HIPK2: variants seen among roughly 807,000 people sequenced by gnomAD.
The protein encoded by HIPK2 is homeodomain-interacting protein kinase 2.
In HIPK2, 27 loss-of-function variants were observed where a neutral mutation model predicts 113.7. The observed-to-expected ratio is 0.24, with a 90% CI of 0.17 to 0.33. HIPK2 has a LOEUF of 0.33. HIPK2 is among the 10% of genes least tolerant of loss of function. The pLI is 1.00. For missense variants in HIPK2, 1,257 were observed against 1,588.0 expected (o/e 0.79, Z 3.54); for synonymous variants, 631 against 642.2 (o/e 0.98, Z 0.26).
intron 1 of HIPK2, among the ~76,000 whole-genome samples, chr7:139,752,501 C>T (rs1796294465): frequency 6.6e-6 from 1 of 152,004 alleles, no homozygotes; most frequent in Non-Finnish European, 1.5e-5. Flanking sequence ...CAAATCATGC[C>T]CACCTCCCTT....
At chr7:139,755,174 C>T (rs1196309070) in intron 1 of HIPK2, among the ~76,000 whole-genome samples, 1 of 152,176 alleles carries the variant, frequency 6.6e-6, no homozygotes, top group African/African-American at 2.4e-5. Flanking sequence ...GGGAGGTCTG[C>T]AGGAAGCTTC....
At chr7:139,763,666 G>A (rs1278993263) in intron 1 of HIPK2, among the ~76,000 whole-genome samples, 4 of 152,192 alleles carry the variant, frequency 2.6e-5, no homozygotes, top group Admixed American at 2.0e-4. Context: ...GAAATGGATG[G>A]CTTCACGATA....
At chr7:139,578,545 C>A (rs971305077) in intron 13 of HIPK2, among the ~76,000 whole-genome samples, 2 of 152,234 alleles carry the variant, frequency 1.3e-5, no homozygotes, top group African/African-American at 4.8e-5. Flanking sequence ...AACCTCCTTT[C>A]CGCCATCCTT....
intron 2 of HIPK2, among the ~76,000 whole-genome samples, chr7:139,697,290 G>T (rs1208742706): frequency 2.6e-5 from 4 of 152,306 alleles, no homozygotes; most frequent in Middle Eastern, 6.8e-3. Context: ...CTCAGAGAGA[G>T]CTGCAGTAAA....
At chr7:139,628,033 G>A (rs1455115866) in intron 5 of HIPK2, among the ~76,000 whole-genome samples, 1 of 152,196 alleles carries the variant, frequency 6.6e-6, no homozygotes, top group Non-Finnish European at 1.5e-5. Context: ...ACAAGGCAAG[G>A]GAGATGTGGA....
intron 7 of HIPK2, among the ~76,000 whole-genome samples, chr7:139,619,623 G>C (rs1800168356): frequency 6.6e-6 from 1 of 152,148 alleles, no homozygotes; most frequent in South Asian, 2.1e-4. Flanking sequence ...GAAAGGACAG[G>C]GTTTATCTGT....
Position 139,766,114 on chromosome 7 carries a change from T to C in HIPK2, c.19+11491A>G, listed in dbSNP as rs564503484. ...GCAGCTGGTGGTCAGGAGTCAGCTC[T>C]GGACTCAGACTGCCTGGAGTCGATC... On this transcript the variant is annotated intron_variant, in intron 1 of 14. Transcript: ENST00000406875. 8.5e-5 allele frequency among the ~76,000 whole-genome samples: 13 copies of C among 152,374 alleles called. No individual in the cohort carries two copies. In the South Asian group the frequency reaches 2.7e-3, roughly 32 times the overall value.
chr7:139,622,541 C>A (rs2116847461), intron 6 of HIPK2, among the ~76,000 whole-genome samples: 1 of 152,270 alleles, frequency 6.6e-6, no homozygotes, highest in Non-Finnish European at 1.5e-5. Context: ...AGGGCAAGTC[C>A]TTTCACTTTA....
Position 139,583,835 on chromosome 7 carries a change from A to G in HIPK2, c.2947T>C (p.Cys983Arg), listed in dbSNP as rs1212019100. ...AAATTACCTGGCACCAGGCTATCAC[A>G]CTCCACCAATACTTCGCTGGCCTGG... ...KTQASEVLVE[C>R]DSLVPVNTSH... The change falls in exon 13 of 15, where the codon TGT (cysteine) becomes CGT (arginine). Residue 983 changes from cysteine to arginine, a missense_variant. Physicochemically the swap from Cys to Arg is radical, Grantham distance 180 (BLOSUM62 -3). This residue lies in a region of HIPK2 where 862 missense variants were observed against 1,004.3 expected (regional missense o/e 0.86). Transcript: ENST00000406875. 3.1e-6 allele frequency: 5 copies of G among 1,611,330 alleles called. No homozygotes were observed. Among genetic ancestry groups the G allele is most frequent in the Non-Finnish European group, 4.2e-6 (5 of 1,178,866 alleles).
chr7:139,672,983 T>C (rs1381776942), intron 2 of HIPK2, among the ~76,000 whole-genome samples: 1 of 152,020 alleles, frequency 6.6e-6, no homozygotes, highest in East Asian at 1.9e-4. Flanking sequence ...ACAAAGCCCA[T>C]AAGGTAACAT....
At chr7:139,686,119 G>A (rs1794209309) in intron 2 of HIPK2, among the ~76,000 whole-genome samples, 1 of 152,194 alleles carries the variant, frequency 6.6e-6, no homozygotes, top group South Asian at 2.1e-4. Flanking sequence ...AACATTAATA[G>A]GAGTTTGGAA....
intron 2 of HIPK2, among the ~76,000 whole-genome samples, chr7:139,640,445 C>G (rs1457566096): frequency 2.0e-5 from 3 of 152,148 alleles, no homozygotes; most frequent in Admixed American, 2.0e-4. Flanking sequence ...CAGTGTTCAC[C>G]GGGTTGAATC....
chr7:139,643,767 G>A (rs1156927701), intron 2 of HIPK2, among the ~76,000 whole-genome samples: 2 of 152,234 alleles, frequency 1.3e-5, no homozygotes, highest in African/African-American at 2.4e-5. Context: ...TGTCAATGAG[G>A]AAGGTTCCTA....
At chr7:139,600,006 G>A (rs925449432) in intron 11 of HIPK2, among the ~76,000 whole-genome samples, 7 of 152,058 alleles carry the variant, frequency 4.6e-5, no homozygotes, top group African/African-American at 1.7e-4. Flanking sequence ...GATCACCCGG[G>A]CCTGTCATTA....
rs1347631442 is a variant in HIPK2 at position 139,572,938 on chromosome 7, G to A, written c.3586C>T (p.Pro1196Ser). The A allele has an allele frequency of 8.2e-7, 1 of 1,218,688 alleles. No homozygotes were observed. Among genetic ancestry groups the A allele is most frequent in the Admixed American group, 2.1e-5 (1 of 47,468 alleles). The allele number at this position is 1,218,688 out of a possible 1,614,324, so 75.5% of individuals were successfully genotyped here. A position where few individuals can be genotyped will look rare whatever the true frequency, so the allele number is the denominator to read the frequency against. The change falls in exon 15 of 15, where the codon CCT (proline) becomes TCT (serine). Residue 1196 changes from proline (P) to serine (S), a missense_variant. Physicochemically the swap from Pro to Ser is moderately conservative, Grantham distance 74. Around this residue, in one of 5 missense-constraint regions of HIPK2, gnomAD observed 862 missense variants for 1,004.3 expected, o/e 0.86. Coordinates refer to ENST00000406875, the MANE Select transcript of HIPK2 (RefSeq NM_022740.5). ...PLSPAKVNQY[P>S]YI ...CTCCCCTCCAGTGTTTATATGTAAG[G>A]GTACTGGTTGACCTTGGCGGGGCTC...
At chr7:139,704,338 C>T (rs1211998498) in intron 2 of HIPK2, among the ~76,000 whole-genome samples, 10 of 142,184 alleles carry the variant, frequency 7.0e-5, no homozygotes, top group Non-Finnish European at 1.5e-4. Context: ...ACCCAACATA[C>T]ATACCCCACC....
At chr7:139,755,925 A>T (rs368407677) in intron 1 of HIPK2, among the ~76,000 whole-genome samples, 138 of 152,374 alleles carry the variant, frequency 9.1e-4, no homozygotes, top group African/African-American at 3.1e-3. Context: ...ATTCTCAATT[A>T]TTATAATTCC....
chr7:139,660,197 G>C (rs778982948), intron 2 of HIPK2, among the ~76,000 whole-genome samples: 4 of 152,206 alleles, frequency 2.6e-5, no homozygotes, highest in Non-Finnish European at 5.9e-5. Context: ...CTAAAGGAAA[G>C]AGTAGGAAGT....
At chr7:139,617,821 C>A (rs1800108861) in intron 7 of HIPK2, among the ~76,000 whole-genome samples, 2 of 152,216 alleles carry the variant, frequency 1.3e-5, no homozygotes, top group East Asian at 1.9e-4. Context: ...CAACTTCTAA[C>A]ATAAAACTAT....
Sources: allele counts gnomAD v4.1 joint callset (sites outside exome capture counted in the v4.1 genomes callset), GRCh38; gene constraint gnomAD v4.1.1; regional missense constraint gnomAD v4.1.1; transcripts MANE v1.5; gene names NCBI Gene and HGNC (gene_info 2026-07-23, HGNC 2026-07-21).